The following TIMM23 variants were observed in gnomAD, a reference collection of about 807,000 sequenced individuals.
TIMM23 encodes mitochondrial import inner membrane translocase subunit Tim23.
A neutral mutation model predicts 30.7 loss-of-function variants in TIMM23; 19 were observed. The observed-to-expected ratio is 0.62, with a 90% CI of 0.43 to 0.91. The LOEUF is 0.91. Among genes scored for constraint, TIMM23 ranks in the 40% least tolerant of loss-of-function variants. The pLI is 0.00. For missense variants in TIMM23, 202 were observed against 269.2 expected (o/e 0.75, Z 1.75); for synonymous variants, 78 against 98.5 (o/e 0.79, Z 1.23).
At chr10:45,982,377 A>G in intron 2 of TIMM23, 146 bp from the exon 3 acceptor site, 1 of 724,200 alleles carries the variant, frequency 1.4e-6, no homozygotes, top group Non-Finnish European at 2.3e-6. Flanking sequence ...ACTGCTGCAG[A>G]AAGTTTTATT....
chr10:45,996,279 G>A (rs1411890678), intron 6 of TIMM23, among the ~76,000 whole-genome samples: 1 of 144,118 alleles, frequency 6.9e-6, no homozygotes, highest in Non-Finnish European at 1.5e-5. Flanking sequence ...GGAGAATGGC[G>A]TGAACCTGGG....
chr10:45,972,597 C>T lies in TIMM23; in HGVS notation c.-28C>T. ...GGACCACCCAGGCTTGAGGCAGCGG[C>T]GGGAACCACTCGGTTTGCTGCGATA... On this transcript the variant is annotated 5_prime_UTR_variant, in exon 1 of 7. Transcript: ENST00000580018. 2 of 1,594,638 alleles carry T rather than the reference C, an allele frequency of 1.3e-6. No homozygotes were observed. The highest frequency in any genetic ancestry group is 1.7e-6 in the Non-Finnish European group (2 of 1,166,706).
chr10:45,990,889 T>C (rs1838145793), intron 6 of TIMM23, among the ~76,000 whole-genome samples: 1 of 152,216 alleles, frequency 6.6e-6, no homozygotes, highest in South Asian at 2.1e-4. Context: ...GGAGGTCACA[T>C]CCTTTATATA....
chr10:45,976,816 T>C (rs1346113777), intron 2 of TIMM23, among the ~76,000 whole-genome samples: 4 of 152,124 alleles, frequency 2.6e-5, no homozygotes, highest in Non-Finnish European at 5.9e-5. Context: ...GGCATTCAAG[T>C]TGAGAAAGAA....
chr10:45,999,359 C>T (rs1482892166), intron 6 of TIMM23, among the ~76,000 whole-genome samples: 1 of 151,970 alleles, frequency 6.6e-6, no homozygotes, highest in African/African-American at 2.4e-5. Flanking sequence ...CCCCGATAGT[C>T]GCGTACATTC....
At chr10:45,996,589 TA>T (rs1450994993) in intron 6 of TIMM23, among the ~76,000 whole-genome samples, 7 of 152,088 alleles carry the variant, frequency 4.6e-5, no homozygotes, top group Non-Finnish European at 1.0e-4. Flanking sequence ...TTTGGTATTT[TA>T]TTTTCACCTA....
chr10:45,992,848 G>T (rs1473743638), intron 6 of TIMM23, among the ~76,000 whole-genome samples: 2 of 152,074 alleles, frequency 1.3e-5, no homozygotes, highest in African/African-American at 2.4e-5. Context: ...GAACCACCAC[G>T]CCGGGCCAAG....
chr10:45,978,042 T>A (rs1471619735), intron 2 of TIMM23, among the ~76,000 whole-genome samples: 1 of 150,844 alleles, frequency 6.6e-6, no homozygotes, highest in African/African-American at 2.4e-5. Flanking sequence ...AAAAAAAAAA[T>A]AAAAAAATAA....
chr10:46,000,333 T>C (rs1288187928), intron 6 of TIMM23, among the ~76,000 whole-genome samples: 1 of 152,016 alleles, frequency 6.6e-6, no homozygotes, highest in Admixed American at 6.5e-5. Flanking sequence ...GTCCATGAAA[T>C]CTTCACAATC....
chr10:45,998,055 C>T (rs1456866570), intron 6 of TIMM23, among the ~76,000 whole-genome samples: 1 of 152,146 alleles, frequency 6.6e-6, no homozygotes, highest in Non-Finnish European at 1.5e-5. Flanking sequence ...GAGCCACCAA[C>T]TCCTGCTGGC....
At chr10:45,984,959 C>A (rs1837953370) in intron 4 of TIMM23, 1 of 186,966 alleles carries the variant, frequency 5.3e-6, no homozygotes, top group Non-Finnish European at 1.1e-5. Context: ...CATATGTTCC[C>A]CTCCCAAAAA....
intron 1 of TIMM23, among the ~76,000 whole-genome samples, chr10:45,973,574 C>T (rs1427260923): frequency 6.6e-6 from 1 of 152,136 alleles, no homozygotes; most frequent in Non-Finnish European, 1.5e-5. Context: ...ATATAAAAGA[C>T]CTTTCATTTC....
intron 5 of TIMM23, among the ~76,000 whole-genome samples, chr10:45,987,102 G>T (rs1224764898): frequency 4.7e-4 from 72 of 152,052 alleles, no homozygotes; most frequent in African/African-American, 1.6e-3. Flanking sequence ...CAATTCAGAT[G>T]GTACAAATGC....
chr10:45,980,614 C>CTTT (rs368364972), intron 2 of TIMM23, among the ~76,000 whole-genome samples: 1 of 151,490 alleles, frequency 6.6e-6, no homozygotes, highest in Non-Finnish European at 1.5e-5. Context: ...AAAGTTTTTT[C>CTTT]TTTTCCCCCA....
intron 6 of TIMM23, among the ~76,000 whole-genome samples, chr10:45,995,371 A>G (rs1838298187): frequency 6.6e-6 from 1 of 150,420 alleles, no homozygotes; most frequent in African/African-American, 2.5e-5. Flanking sequence ...GTGTTAGAAA[A>G]TGGAGTGGAG....
chr10:45,988,403 G>C (rs1838061268), intron 5 of TIMM23, among the ~76,000 whole-genome samples: 2 of 152,222 alleles, frequency 1.3e-5, no homozygotes, highest in South Asian at 4.2e-4. Context: ...GAAAGGTGTG[G>C]GGAAAGATTA....
intron 6 of TIMM23, among the ~76,000 whole-genome samples, chr10:46,000,037 G>A (rs530351078): frequency 5.3e-5 from 8 of 152,190 alleles, no homozygotes; most frequent in Non-Finnish European, 1.0e-4. Flanking sequence ...CCTGAACATT[G>A]CTGGTACCCT....
At chr10:45,985,243 G>A (rs1311389438) in intron 4 of TIMM23, 140 bp from the exon 5 acceptor site, 19 of 719,058 alleles carry the variant, frequency 2.6e-5, no homozygotes, top group Admixed American at 2.3e-4. Context: ...TATTGAAATC[G>A]GAGATATTAA....
chr10:45,998,462 C>G, intron 6 of TIMM23: 1 of 889,972 alleles, frequency 1.1e-6, no homozygotes, highest in Non-Finnish European at 1.3e-6. Context: ...TATTTGGTTA[C>G]TCTGTTCAAA....
Sources: gnomAD v4.1 joint callset for allele counts (sites outside exome capture counted in the v4.1 genomes callset) on GRCh38, gnomAD v4.1.1 for gene constraint, MANE v1.5 for transcripts, NCBI Gene and HGNC (gene_info 2026-07-23, HGNC 2026-07-21) for gene names.